The following SORCS2 variants were observed in gnomAD, a reference collection of about 807,000 sequenced individuals.
The protein encoded by SORCS2 is sortilin related VPS10 domain containing receptor 2, also known as VPS10 domain-containing receptor SorCS2.
Under a neutral mutation model 141.6 loss-of-function variants are expected in SORCS2, and 100 were observed. The observed-to-expected ratio is 0.71, with a 90% CI of 0.60 to 0.83. The LOEUF (loss-of-function observed/expected upper bound fraction) is 0.83, where lower values mean the gene tolerates loss of function less well. Ranked by LOEUF, SORCS2 falls within the 40% of genes least tolerant of loss-of-function variation. The probability of loss-of-function intolerance (pLI) is 0.00; values close to 1 mark genes in which losing one functional copy is unlikely to be tolerated. For synonymous variants in SORCS2, 789 were observed against 676.9 expected (o/e 1.17, Z -2.57); for missense variants, 1,646 against 1,560.2 (o/e 1.05, Z -0.93).
intron 3 of SORCS2, among the ~76,000 whole-genome samples, chr4:7,631,673 A>G (rs1183536158): frequency 6.6e-6 from 1 of 152,080 alleles, no homozygotes; most frequent in Non-Finnish European, 1.5e-5. Context: ...CATGGGGTTC[A>G]GCTCCTATCC....
chr4:7,480,529 C>A (rs1407558973), intron 2 of SORCS2, among the ~76,000 whole-genome samples: 4 of 152,202 alleles, frequency 2.6e-5, no homozygotes, highest in Non-Finnish European at 5.9e-5. Flanking sequence ...TCAGAACAGG[C>A]ACCCGCCAAG....
chr4:7,368,678 C>T (rs1722061859), intron 1 of SORCS2, among the ~76,000 whole-genome samples: 2 of 152,308 alleles, frequency 1.3e-5, no homozygotes, highest in Middle Eastern at 3.4e-3. Context: ...CTGAGTGGCT[C>T]AGTCCCTGGA....
At chr4:7,444,637 G>A (rs930080435) in intron 2 of SORCS2, among the ~76,000 whole-genome samples, 1 of 152,200 alleles carries the variant, frequency 6.6e-6, no homozygotes, top group African/African-American at 2.4e-5. Flanking sequence ...GTAGTGGGGA[G>A]CCATAGCAGG....
intron 8 of SORCS2, among the ~76,000 whole-genome samples, chr4:7,673,642 T>C (rs1453566766): frequency 6.6e-6 from 1 of 152,194 alleles, no homozygotes; most frequent in African/African-American, 2.4e-5. Context: ...GGGGCACCAG[T>C]CATAACCTCG....
rs555792484 is a variant in SORCS2, at chr4:7,277,111, C to G, written c.480+83985C>G. ...GCCCCCACGTCCTGTGAGGGTCTCT[C>G]CTGGGCTCCTTTGGCTGTGTATGGA... On this transcript the variant is annotated intron_variant, in intron 1 of 26. Transcript: ENST00000507866. 5.6e-3 allele frequency among the ~76,000 whole-genome samples: 686 copies of G among 122,854 alleles called. 12 individuals are homozygous for G. Among genetic ancestry groups the G allele is most frequent in the African/African-American group, 0.019 (630 of 32,476 alleles). 80.6% of individuals were successfully genotyped at this position (122,854 alleles called of 152,430 possible).
chr4:7,246,671 G>A (rs555211345), intron 1 of SORCS2, among the ~76,000 whole-genome samples: 2 of 152,356 alleles, frequency 1.3e-5, no homozygotes, highest in Admixed American at 6.5e-5. Context: ...GAGCAGTGAT[G>A]GGAAGAGCCA....
At chr4:7,417,290 C>T (rs1434485548) in intron 2 of SORCS2, among the ~76,000 whole-genome samples, 1 of 152,156 alleles carries the variant, frequency 6.6e-6, no homozygotes, top group African/African-American at 2.4e-5. Context: ...TGAGAGATGG[C>T]AGCGCCAGGA....
chr4:7,674,748 C>T (rs998714402), intron 8 of SORCS2, among the ~76,000 whole-genome samples: 1 of 151,680 alleles, frequency 6.6e-6, no homozygotes, highest in African/African-American at 2.4e-5. Flanking sequence ...CTTCCTCATT[C>T]TCCACTGAAA....
At chr4:7,270,336 G>A (rs1334455776) in intron 1 of SORCS2, among the ~76,000 whole-genome samples, 1 of 152,264 alleles carries the variant, frequency 6.6e-6, no homozygotes, top group Non-Finnish European at 1.5e-5. Context: ...TCAAGTGGCA[G>A]CTCCCCACGG....
Position 7,704,186 on chromosome 4 carries a change from G to A in SORCS2, c.1770G>A (p.Val590=), listed in dbSNP as rs748396558. The A allele has an allele frequency of 6.2e-6, 10 of 1,611,934 alleles. No homozygotes were observed. In the South Asian group the frequency reaches 8.9e-5, roughly 14 times the overall value. Residue 590 remains valine, a synonymous_variant, in exon 14 of 27, where the codon GTG becomes GTA. Transcript: ENST00000507866. ...SIPLKILKFS[V]DEGLTWSTHN... ...GATCTTCTCCTGGCAGGTTCAGTGTGGACGAGGGCCTCACCTGGAGCACGC... is the reference window on the plus strand; with the variant it reads ...GATCTTCTCCTGGCAGGTTCAGTGTAGACGAGGGCCTCACCTGGAGCACGC...
chr4:7,280,877 G>C (rs1396378128), intron 1 of SORCS2, among the ~76,000 whole-genome samples: 1 of 152,214 alleles, frequency 6.6e-6, no homozygotes, highest in Non-Finnish European at 1.5e-5. Context: ...TACCCGGTGA[G>C]GGCTTAGGAA....
intron 11 of SORCS2, among the ~76,000 whole-genome samples, chr4:7,695,879 GAT>G (rs1724660936): frequency 3.4e-5 from 1 of 29,720 alleles, no homozygotes; most frequent in Non-Finnish European, 7.1e-5. Context: ...TGGGTGGGTG[GAT>G]GGATGGATGG....
chr4:7,436,881 C>T (rs772066835), intron 2 of SORCS2, among the ~76,000 whole-genome samples: 11 of 152,138 alleles, frequency 7.2e-5, no homozygotes, highest in Non-Finnish European at 1.3e-4. Flanking sequence ...TATGGAGGAG[C>T]GGCACGGATT....
At chr4:7,399,960 C>T (rs367786813) in intron 2 of SORCS2, among the ~76,000 whole-genome samples, 16 of 152,224 alleles carry the variant, frequency 1.1e-4, no homozygotes, top group East Asian at 3.9e-4. Flanking sequence ...CAGATTCCAC[C>T]GGTCTAGGGT....
chr4:7,382,053 G>A (rs777623902), intron 1 of SORCS2: 10 of 900,132 alleles, frequency 1.1e-5, no homozygotes, highest in East Asian at 1.2e-4. Flanking sequence ...GACCTCGTTC[G>A]GGAAAGGCCC....
intron 2 of SORCS2, among the ~76,000 whole-genome samples, chr4:7,495,327 A>G (rs537382250): frequency 2.6e-5 from 4 of 152,338 alleles, no homozygotes; most frequent in Non-Finnish European, 2.9e-5. Context: ...GCTGGGTTCA[A>G]TGCGCCCAGC....
chr4:7,336,996 T>C (rs1720028720), intron 1 of SORCS2, among the ~76,000 whole-genome samples: 1 of 152,170 alleles, frequency 6.6e-6, no homozygotes, highest in Admixed American at 6.5e-5. Flanking sequence ...TTGATTGAGC[T>C]GACTTACGTC....
rs193037552 is a variant in SORCS2 at position 7,260,955 on chromosome 4, T to C, written c.480+67829T>C. Among the ~76,000 whole-genome samples the C allele has an allele frequency of 2.3e-4, 35 of 152,348 alleles. No homozygotes were observed. In the East Asian group the frequency reaches 6.4e-3, roughly 28 times the overall value. On this transcript the variant is annotated intron_variant, in intron 1 of 26. Transcript: ENST00000507866. ...GTCATCCTTGAGGCGCTCATAGCACTGAACTTAGTTGATCACGGATCCCTG... is the reference window on the plus strand; with the variant it reads ...GTCATCCTTGAGGCGCTCATAGCACCGAACTTAGTTGATCACGGATCCCTG...
intron 3 of SORCS2, among the ~76,000 whole-genome samples, chr4:7,595,147 T>A (rs545947753): frequency 6.6e-6 from 1 of 152,290 alleles, no homozygotes; most frequent in African/African-American, 2.4e-5. Flanking sequence ...TCGTGTGTAG[T>A]AATTCGCCAC....
Sources: gnomAD v4.1 joint callset for allele counts (sites outside exome capture counted in the v4.1 genomes callset) on GRCh38, gnomAD v4.1.1 for gene constraint, MANE v1.5 for transcripts, NCBI Gene and HGNC (gene_info 2026-07-23, HGNC 2026-07-21) for gene names.